The following SLC25A21 variants were observed in gnomAD, a reference collection of about 807,000 sequenced individuals.
SLC25A21 encodes the protein mitochondrial 2-oxodicarboxylate carrier.
Under a neutral mutation model 43.8 loss-of-function variants are expected in SLC25A21, and 47 were observed. The observed-to-expected ratio is 1.07, with a 90% CI of 0.85 to 1.37. SLC25A21 has a LOEUF of 1.37. Ranked by LOEUF, SLC25A21 falls within the 40% of genes most tolerant of loss-of-function variation. The pLI is 0.00. For synonymous variants in SLC25A21, 131 were observed against 121.3 expected, an observed-to-expected ratio of 1.08 and a Z score of -0.52; for missense variants, 352 against 350.2, an observed-to-expected ratio of 1.00 and a Z score of -0.04.
At chr14:36,696,602 T>C (rs1233160712) in intron 7 of SLC25A21, among the ~76,000 whole-genome samples, 1 of 152,238 alleles carries the variant, frequency 6.6e-6, no homozygotes, top group Non-Finnish European at 1.5e-5. Context: ...TATTGGTCTA[T>C]TCAGAGATTC....
intron 1 of SLC25A21, among the ~76,000 whole-genome samples, chr14:37,125,181 G>A (rs899142551): frequency 1.3e-5 from 2 of 152,054 alleles, no homozygotes; most frequent in South Asian, 2.1e-4. Flanking sequence ...TCAGAGTGTC[G>A]GTTTCCACAT....
chr14:36,726,265 C>T (rs1239762387), intron 5 of SLC25A21, among the ~76,000 whole-genome samples: 1 of 152,086 alleles, frequency 6.6e-6, no homozygotes, highest in African/African-American at 2.4e-5. Flanking sequence ...TTGACGCAGT[C>T]TTCTAAACCT....
intron 2 of SLC25A21, among the ~76,000 whole-genome samples, chr14:36,852,039 A>G (rs1010261495): frequency 6.6e-6 from 1 of 152,200 alleles, no homozygotes. Context: ...TAATTAATCT[A>G]CATACTTCCA....
intron 3 of SLC25A21, among the ~76,000 whole-genome samples, chr14:36,766,504 C>T (rs1450269638): frequency 6.6e-6 from 1 of 152,120 alleles, no homozygotes; most frequent in East Asian, 1.9e-4. Flanking sequence ...AAGGAAGTGG[C>T]CACTCTCATG....
rs546640914 is a variant in SLC25A21 at position 36,713,743 on chromosome 14, G to A, written c.439-2261C>T. Among the ~76,000 whole-genome samples, 4 of 152,238 alleles carry A rather than the reference G, an allele frequency of 2.6e-5. No homozygotes were observed. The South Asian group carries it at 8.3e-4, about 32-fold the overall frequency. On this transcript the variant is annotated intron_variant, in intron 6 of 9. Coordinates refer to ENST00000331299, the MANE Select transcript of SLC25A21 (RefSeq NM_030631.4). ...TCAAACCTGTAATCTCAGCATTTTGGGAGGCGGAGGCAGGAGGAGTGCTTG... is the reference window on the plus strand; with the variant it reads ...TCAAACCTGTAATCTCAGCATTTTGAGAGGCGGAGGCAGGAGGAGTGCTTG...
At chr14:36,752,282 T>C (rs538804137) in intron 3 of SLC25A21, among the ~76,000 whole-genome samples, 1 of 152,316 alleles carries the variant, frequency 6.6e-6, no homozygotes, top group African/African-American at 2.4e-5. Flanking sequence ...ATTGGAACCC[T>C]TACGCATTGC....
At chr14:36,957,669 T>C (rs973622476) in intron 1 of SLC25A21, among the ~76,000 whole-genome samples, 1 of 152,196 alleles carries the variant, frequency 6.6e-6, no homozygotes, top group Non-Finnish European at 1.5e-5. Flanking sequence ...AAAATTTGAC[T>C]GATGAGGATT....
chr14:36,761,873 A>G (rs1277123610), intron 3 of SLC25A21, among the ~76,000 whole-genome samples: 1 of 152,200 alleles, frequency 6.6e-6, no homozygotes, highest in East Asian at 1.9e-4. Context: ...TATAGATAGT[A>G]TCTGGGTTTA....
In SLC25A21 at chr14:36,868,450, C is replaced by T. The variant is rs537895844; in HGVS notation, c.119+6506G>A. 1.1e-3 allele frequency among the ~76,000 whole-genome samples: 160 copies of T among 152,320 alleles called. 1 individual carries two copies. The highest frequency in any genetic ancestry group is 9.1e-4 in the Non-Finnish European group (62 of 68,030). On this transcript the variant is annotated intron_variant, in intron 2 of 9. Coordinates refer to ENST00000331299, the MANE Select transcript of SLC25A21 (RefSeq NM_030631.4). Reference sequence around the variant, plus strand: ...GGGACCCTTAGAACACATCACTTGTCATGCGGCTGGCCTCTGCTAACATTA... The same window carrying T: ...GGGACCCTTAGAACACATCACTTGTTATGCGGCTGGCCTCTGCTAACATTA...
chr14:36,817,728 G>A (rs964323849), intron 2 of SLC25A21, among the ~76,000 whole-genome samples: 1 of 152,210 alleles, frequency 6.6e-6, no homozygotes, highest in African/African-American at 2.4e-5. Context: ...GGCCAGGCAA[G>A]CACGTCCTAT....
chr14:36,801,019 G>C lies in SLC25A21; in HGVS notation c.203+12899C>G, dbSNP rs540485464. Among the ~76,000 whole-genome samples the C allele has an allele frequency of 2.6e-5, 4 of 152,230 alleles. 1 individual carries two copies. The highest frequency in any genetic ancestry group is 9.6e-5 in the African/African-American group (4 of 41,546). ...TCATTTTGCTGAGGGTGGGTTTTAGGCTTCGTTAGGGAGAATTTACTTATG... is the reference window on the plus strand; with the variant it reads ...TCATTTTGCTGAGGGTGGGTTTTAGCCTTCGTTAGGGAGAATTTACTTATG... On this transcript the variant is annotated intron_variant, in intron 3 of 9. Coordinates refer to ENST00000331299, the MANE Select transcript of SLC25A21 (RefSeq NM_030631.4).
At chr14:37,077,970 C>T (rs1249915047) in intron 1 of SLC25A21, among the ~76,000 whole-genome samples, 1 of 152,000 alleles carries the variant, frequency 6.6e-6, no homozygotes, top group Non-Finnish European at 1.5e-5. Flanking sequence ...AAACGAAAGA[C>T]ATTTCTCTAT....
chr14:36,941,671 G>A (rs1234635957), intron 1 of SLC25A21, among the ~76,000 whole-genome samples: 1 of 151,572 alleles, frequency 6.6e-6, no homozygotes, highest in Admixed American at 6.6e-5. Context: ...TTTGTTCACA[G>A]AATAATTTTA....
intron 1 of SLC25A21, among the ~76,000 whole-genome samples, chr14:37,004,948 A>T (rs1428986711): frequency 1.3e-5 from 2 of 148,438 alleles, no homozygotes; most frequent in African/African-American, 2.5e-5. Flanking sequence ...TTTTTGAGAC[A>T]GAGTGTCACT....
chr14:36,682,497 A>G (rs976856258), intron 9 of SLC25A21, among the ~76,000 whole-genome samples: 8 of 152,220 alleles, frequency 5.3e-5, no homozygotes, highest in Admixed American at 3.9e-4. Flanking sequence ...AGATTATTTA[A>G]GAGTTTTGGA....
chr14:37,165,923 T>A (rs770295258), intron 1 of SLC25A21, among the ~76,000 whole-genome samples: 1 of 152,174 alleles, frequency 6.6e-6, no homozygotes, highest in Non-Finnish European at 1.5e-5. Context: ...ATCAAGTACA[T>A]GACAGGGGAG....
intron 1 of SLC25A21, among the ~76,000 whole-genome samples, chr14:37,006,913 C>T (rs1460892724): frequency 6.6e-6 from 1 of 152,176 alleles, no homozygotes; most frequent in Non-Finnish European, 1.5e-5. Context: ...TCACCCTACT[C>T]AAAGTGGAAT....
chr14:36,995,211 C>T (rs1037970902), intron 1 of SLC25A21, among the ~76,000 whole-genome samples: 1 of 152,096 alleles, frequency 6.6e-6, no homozygotes, highest in Non-Finnish European at 1.5e-5. Context: ...AAATGTCACG[C>T]TACAAAAAAT....
In SLC25A21 at chr14:37,017,623, A is replaced by G. The variant is rs1218683400; in HGVS notation, c.71-142619T>C. On this transcript the variant is annotated intron_variant, in intron 1 of 9. Coordinates refer to ENST00000331299, the MANE Select transcript of SLC25A21 (RefSeq NM_030631.4). ...AGACACAGGGTTGCCGCAATCCTTC[A>G]TTAGTAAAAAAACGCAGTATCTGCG... Among the ~76,000 whole-genome samples, 5 of 152,102 alleles carry G rather than the reference A, an allele frequency of 3.3e-5. 1 individual carries two copies. In the East Asian group the frequency reaches 9.6e-4, roughly 29 times the overall value.
Sources: gnomAD v4.1 joint callset for allele counts (sites outside exome capture counted in the v4.1 genomes callset) on GRCh38, gnomAD v4.1.1 for gene constraint, MANE v1.5 for transcripts, NCBI Gene and HGNC (gene_info 2026-07-23, HGNC 2026-07-21) for gene names.